Variants in ABCC10 observed in about 807,000 individuals in gnomAD.
ABCC10 encodes ATP binding cassette subfamily C member 10.
ABCC10 carries 110 observed loss-of-function variants against 143.2 expected under a neutral mutation model. The ratio of observed to expected loss-of-function variants is 0.77; its 90% CI spans 0.66 to 0.90. ABCC10 has a LOEUF of 0.90. Ranked by LOEUF, ABCC10 falls within the 40% of genes least tolerant of loss-of-function variation. The probability of loss-of-function intolerance (pLI) is 0.00; values close to 1 mark genes in which losing one functional copy is unlikely to be tolerated. For missense variants in ABCC10, 1,700 were observed against 1,900.5 expected (o/e 0.89, Z 1.96); for synonymous variants, 805 against 846.7 (o/e 0.95, Z 0.85).
chr6:43,445,594 C>T lies in ABCC10; in HGVS notation c.3031-5C>T. On this transcript the variant is annotated splice_polypyrimidine_tract_variant and splice_region_variant and intron_variant, in intron 14 of 21. Transcript: ENST00000372530. ...GCCCTGGCCCAATCAGCGTCCTTCTCCCAGGCACCAGTGACTTTCTTCAAT... is the reference window on the plus strand; with the variant it reads ...GCCCTGGCCCAATCAGCGTCCTTCTTCCAGGCACCAGTGACTTTCTTCAAT... 1.2e-6 allele frequency: 2 copies of T among 1,607,440 alleles called. No individual in the cohort carries two copies. The highest frequency in any genetic ancestry group is 2.2e-5 in the South Asian group (2 of 90,712).
chr6:43,436,418 C>T (rs1336416874), intron 6 of ABCC10, among the ~76,000 whole-genome samples, 171 bp downstream of exon 6: 1 of 152,158 alleles, frequency 6.6e-6, no homozygotes, highest in Non-Finnish European at 1.5e-5. Flanking sequence ...GATGACACCT[C>T]ACATCTGAAT....
In ABCC10 at chr6:43,444,339, T is replaced by C; in HGVS notation, c.2675T>C (p.Leu892Pro). Residue 892 changes from leucine (L) to proline (P), a missense_variant, in exon 12 of 22, where the codon CTG becomes CCG. Coordinates refer to ENST00000372530, the MANE Select transcript of ABCC10 (RefSeq NM_001198934.2). ...TTGGCCTTAGCCATCCTCTTCTCTC[T>C]GCTTCTCATGCAAGGTGAGAGCGTG... is the stretch of plus-strand genomic sequence containing the variant. ...QGLALAILFS[L>P]LLMQATRNAA... is the part of the protein sequence containing the mutation. 1 of 1,607,336 alleles carries C rather than the reference T, an allele frequency of 6.2e-7. No homozygotes were observed. Among genetic ancestry groups the C allele is most frequent in the Non-Finnish European group, 8.5e-7 (1 of 1,177,056 alleles).
intron 12 of ABCC10, 33 bp from the exon 13 acceptor site, chr6:43,444,754 CT>C: frequency 6.4e-7 from 1 of 1,551,378 alleles, no homozygotes; most frequent in Non-Finnish European, 8.7e-7. Flanking sequence ...GGAGAGGAGC[CT>C]CTTACAGCTT....
rs1366381818 is a variant in ABCC10, at chr6:43,438,448, A to C, written c.1956-176A>C. On this transcript the variant is annotated intron_variant, in intron 7 of 21. Coordinates refer to ENST00000372530, the MANE Select transcript of ABCC10 (RefSeq NM_001198934.2). ...GAGCTATTTCTTCCCTTCTTCGCCC[A>C]GAATGGGCTTCATTAGGACCCCTTG... 2.7e-5 allele frequency: 39 copies of C among 1,431,962 alleles called. No homozygotes were observed. In the Middle Eastern group the frequency reaches 1.0e-3, roughly 38 times the overall value. The allele number at this position is 1,431,962 out of a possible 1,614,324, so 88.7% of individuals were successfully genotyped here.
rs956443304 is a variant in ABCC10, at chr6:43,445,464, C to G, written c.3031-135C>G. The G allele has an allele frequency of 6.6e-6, 9 of 1,359,438 alleles. No homozygotes were observed. In the African/African-American group the frequency reaches 1.2e-4, roughly 18 times the overall value. The allele number at this position is 1,359,438 out of a possible 1,614,324, so 84.2% of individuals were successfully genotyped here. On this transcript the variant is annotated intron_variant, in intron 14 of 21. Transcript: ENST00000372530. ...TCTGCCAATCTCTCTTCTCTGCCCCCAAATTCTGGGGATATTTTAGTCCTT... is the reference window on the plus strand; with the variant it reads ...TCTGCCAATCTCTCTTCTCTGCCCCGAAATTCTGGGGATATTTTAGTCCTT...
chr6:43,446,298 A>C lies in ABCC10; in HGVS notation c.3396A>C (p.Arg1132=), dbSNP rs762822219. The C allele has an allele frequency of 2.2e-5, 36 of 1,612,712 alleles. No homozygotes were observed. The highest frequency in any genetic ancestry group is 3.1e-5 in the Non-Finnish European group (36 of 1,179,588). Residue 1132 remains arginine, a synonymous_variant, in exon 16 of 22, where the codon CGA becomes CGC. Transcript: ENST00000372530. ...ATYRFEEENL[R]LLELNQRCQF... ...CTAGGTTTGAGGAGGAGAACCTGCGACTCCTTGAGCTAAACCAGAGGTGCC... is the reference window on the plus strand; with the variant it reads ...CTAGGTTTGAGGAGGAGAACCTGCGCCTCCTTGAGCTAAACCAGAGGTGCC...
chr6:43,448,434 C>A (rs1224864114), intron 18 of ABCC10, among the ~76,000 whole-genome samples: 1 of 152,214 alleles, frequency 6.6e-6, no homozygotes, highest in African/African-American at 2.4e-5. Context: ...TCTGCCTTCT[C>A]TTCTAAGCTG....
chr6:43,438,911 C>A, intron 8 of ABCC10, 116 bp downstream of exon 8: 1 of 1,257,912 alleles, frequency 7.9e-7, no homozygotes, highest in Non-Finnish European at 1.1e-6. Context: ...CATCACTTAT[C>A]TAGGAATGGC....
intron 8 of ABCC10, among the ~76,000 whole-genome samples, chr6:43,440,298 A>G (rs1782254689): frequency 6.6e-6 from 1 of 152,184 alleles, no homozygotes; most frequent in South Asian, 2.1e-4. Context: ...ACTACCTCTA[A>G]GGCTTCTTGT....
intron 2 of ABCC10, among the ~76,000 whole-genome samples, chr6:43,431,562 A>G (rs1025593853): frequency 6.6e-6 from 1 of 152,046 alleles, no homozygotes; most frequent in Admixed American, 6.6e-5. Context: ...GGGTTTCACC[A>G]TGTTGGCCAG....
intron 9 of ABCC10, 27 bp from the exon 10 acceptor site, chr6:43,442,942 TG>T: frequency 6.5e-6 from 10 of 1,534,906 alleles, no homozygotes; most frequent in Non-Finnish European, 8.8e-6. Flanking sequence ...TGGGTCCTGG[TG>T]CCCACGGTAC....
rs1429855377 is a variant in ABCC10 at position 43,433,290 on chromosome 6, A to G, written c.1310A>G (p.Asn437Ser). 2 of 1,614,202 alleles carry G rather than the reference A, an allele frequency of 1.2e-6. No homozygotes were observed. Among genetic ancestry groups the G allele is most frequent in the South Asian group, 2.2e-5 (2 of 91,090 alleles). ...LILALLLVPV[N>S]KVIATRIMAS... ...TTGGCACTGCTGCTGGTACCCGTCA[A>G]CAAAGTGATTGCCACCCGCATCATG... Residue 437 changes from asparagine to serine, a missense_variant, in exon 3 of 22, where the codon AAC becomes AGC. Asn to Ser is a conservative substitution (Grantham distance 46). Coordinates refer to ENST00000372530, the MANE Select transcript of ABCC10 (RefSeq NM_001198934.2).
In ABCC10 at chr6:43,443,195, C is replaced by T; in HGVS notation, c.2416+36C>T. 1 of 1,539,860 alleles carries T rather than the reference C, an allele frequency of 6.5e-7. No homozygotes were observed. Among genetic ancestry groups the T allele is most frequent in the Non-Finnish European group, 8.7e-7 (1 of 1,150,388 alleles). On this transcript the variant is annotated intron_variant, in intron 10 of 21. Coordinates refer to ENST00000372530, the MANE Select transcript of ABCC10 (RefSeq NM_001198934.2). This position sits in a 1 kb window ranked among gnomAD's most constrained non-coding sequence, Gnocchi z 4.2. Reference sequence around the variant, plus strand: ...CAGGAGCCCCGTGTGAGGGAGGTGTCTGCCCAGGTCTGGCAGGGGATTGTG... The same window carrying T: ...CAGGAGCCCCGTGTGAGGGAGGTGTTTGCCCAGGTCTGGCAGGGGATTGTG...
intron 8 of ABCC10, 132 bp downstream of exon 8, chr6:43,438,927 G>A: frequency 5.4e-6 from 6 of 1,117,426 alleles, no homozygotes; most frequent in South Asian, 1.5e-5. Flanking sequence ...ATGGCCATCG[G>A]ACTGTGGTCC....
chr6:43,436,658 A>G (rs553621642), intron 6 of ABCC10, among the ~76,000 whole-genome samples: 5 of 152,182 alleles, frequency 3.3e-5, no homozygotes, highest in South Asian at 2.1e-4. Flanking sequence ...GTGAAAAGCA[A>G]TCACACCCTG....
At chr6:43,446,638 G>A (rs1311587589) in intron 16 of ABCC10, 192 bp downstream of exon 16, 2 of 985,194 alleles carry the variant, frequency 2.0e-6, no homozygotes, top group Non-Finnish European at 2.4e-6. Context: ...TGCCCAGGTG[G>A]TGGTGGCTTG....
At chr6:43,450,490 C>CG, downstream of ABCC10, 3 of 1,517,182 alleles carry the variant, frequency 2.0e-6, no homozygotes, top group Non-Finnish European at 2.6e-6. The surrounding 1 kb of genome is among the most constrained non-coding windows in gnomAD (Gnocchi z 4.5). Flanking sequence ...CCACTCCAGT[C>CG]TGAGGGGTGG....
At chr6:43,449,864 A>G in intron 21 of ABCC10, 65 bp from the exon 22 acceptor site, 1 of 1,569,054 alleles carries the variant, frequency 6.4e-7, no homozygotes, top group South Asian at 1.1e-5. Context: ...GAGGGAAAGC[A>G]GGTCAGTGTT....
chr6:43,431,940 G>A, intron 2 of ABCC10: 2 of 1,406,688 alleles, frequency 1.4e-6, no homozygotes, highest in Non-Finnish European at 1.8e-6. Context: ...TAGCTCAGTT[G>A]GTCAGAAAAT....
Sources: gnomAD v4.1 joint callset for allele counts (sites outside exome capture counted in the v4.1 genomes callset) on GRCh38, gnomAD v4.1.1 for gene constraint, Gnocchi (gnomAD v3.1) non-coding constraint, MANE v1.5 for transcripts, NCBI Gene and HGNC (gene_info 2026-07-23, HGNC 2026-07-21) for gene names.